CDH18: variants seen among roughly 807,000 people sequenced by gnomAD.
CDH18 encodes the protein cadherin-18.
A neutral mutation model predicts 67.9 loss-of-function variants in CDH18; 31 were observed. The observed-to-expected ratio is 0.46, with a 90% CI of 0.34 to 0.62. The LOEUF is 0.62. Ranked by LOEUF, CDH18 falls within the 20% of genes least tolerant of loss-of-function variation. The pLI is 0.01. For synonymous variants in CDH18, 362 were observed against 347.2 expected (o/e 1.04, Z -0.48); for missense variants, 890 against 975.5 (o/e 0.91, Z 1.17).
At chr5:20,541,062 T>C (rs16886341) in intron 1 of CDH18, among the ~76,000 whole-genome samples, 1,850 of 152,312 alleles carry the variant, frequency 0.012, 29 homozygotes, top group African/African-American at 0.042. Flanking sequence ...CACATTTCAA[T>C]CTATCGGATT....
intron 1 of CDH18, among the ~76,000 whole-genome samples, chr5:20,466,144 T>C (rs545930525): frequency 1.1e-4 from 17 of 152,200 alleles, no homozygotes; most frequent in Non-Finnish European, 2.1e-4. Flanking sequence ...GGGAGGCAGC[T>C]TTCCCATTTC....
In CDH18 at chr5:20,244,645, T is replaced by G. The variant is rs181189762; in HGVS notation, c.-518+10799A>C. On this transcript the variant is annotated intron_variant, in intron 2 of 14. Coordinates refer to the CDH18 transcript ENST00000507958. The stretch of plus-strand genomic sequence containing the variant: ...TTTTGGACTCATAAAAATAAAGTAA[T>G]AAAGTATGATTATGATAAATAGTTG... 1.3e-3 allele frequency among the ~76,000 whole-genome samples: 191 copies of G among 152,234 alleles called. 1 individual carries two copies. Among genetic ancestry groups the G allele is most frequent in the African/African-American group, 4.3e-3 (178 of 41,570 alleles).
chr5:19,950,059 CATATAT>C (rs1358759304), intron 2 of CDH18, among the ~76,000 whole-genome samples: 1 of 150,490 alleles, frequency 6.6e-6, no homozygotes, highest in Non-Finnish European at 1.5e-5. Context: ...GAGATATATA[CATATAT>C]ATGTATATAT....
chr5:19,914,221 T>C (rs77477825), intron 2 of CDH18, among the ~76,000 whole-genome samples: 4,428 of 152,138 alleles, frequency 0.029, 240 homozygotes, highest in African/African-American at 0.1. Context: ...AGGGTAAAAA[T>C]AGCATAACCT....
At chr5:19,706,875 C>T (rs536457497) in intron 5 of CDH18, among the ~76,000 whole-genome samples, 23 of 152,260 alleles carry the variant, frequency 1.5e-4, no homozygotes, top group African/African-American at 5.3e-4. Context: ...TCCACATATA[C>T]AACTGAATCT....
At chr5:20,489,485 T>A (rs1275250966) in intron 1 of CDH18, among the ~76,000 whole-genome samples, 3 of 152,216 alleles carry the variant, frequency 2.0e-5, no homozygotes, top group East Asian at 1.9e-4. Flanking sequence ...CTTCATACTT[T>A]TTTCTTTGTA....
chr5:19,789,831 A>C, intron 3 of CDH18, among the ~76,000 whole-genome samples: 1 of 152,150 alleles, frequency 6.6e-6, no homozygotes, highest in South Asian at 2.1e-4. Flanking sequence ...AAAAACAATA[A>C]GCAATAGTAG....
At chr5:19,792,745 A>G (rs1776491328) in intron 3 of CDH18, among the ~76,000 whole-genome samples, 1 of 152,154 alleles carries the variant, frequency 6.6e-6, no homozygotes, top group South Asian at 2.1e-4. Context: ...AACTGCAAAA[A>G]GCATGAAAAA....
At chr5:19,539,530 A>C (rs1421645361) in intron 9 of CDH18, among the ~76,000 whole-genome samples, 1 of 152,166 alleles carries the variant, frequency 6.6e-6, no homozygotes, top group Admixed American at 6.5e-5. Context: ...ATGGCTTCTG[A>C]TTGAAATGCT....
At chr5:20,154,274 T>A (rs1751355598) in intron 2 of CDH18, among the ~76,000 whole-genome samples, 1 of 152,208 alleles carries the variant, frequency 6.6e-6, no homozygotes, top group Non-Finnish European at 1.5e-5. Flanking sequence ...AGATGCAAAT[T>A]ATTCTACTTT....
chr5:19,962,377 G>GAAAAAAAAAAAAAA (rs1491148967), intron 2 of CDH18, among the ~76,000 whole-genome samples: 1 of 2,902 alleles, frequency 3.4e-4, no homozygotes, highest in Non-Finnish European at 1.2e-3. Flanking sequence ...ACGTCAAAAA[G>GAAAAAAAAAAAAAA]CAAAAAAAAA....
intron 2 of CDH18, among the ~76,000 whole-genome samples, chr5:20,139,983 A>G (rs1750096920): frequency 6.6e-6 from 1 of 152,194 alleles, no homozygotes; most frequent in Non-Finnish European, 1.5e-5. Context: ...TACCCAAAGG[A>G]GTATAAATCA....
At chr5:19,548,708 A>G (rs1006166091) in intron 8 of CDH18, among the ~76,000 whole-genome samples, 2 of 152,056 alleles carry the variant, frequency 1.3e-5, no homozygotes, top group Non-Finnish European at 2.9e-5. Flanking sequence ...AGACAGTGCA[A>G]CAGATTAAAA....
chr5:20,230,626 A>G (rs903733168), intron 2 of CDH18, among the ~76,000 whole-genome samples: 2 of 146,264 alleles, frequency 1.4e-5, no homozygotes, highest in African/African-American at 5.0e-5. Context: ...TTCATTTCAG[A>G]TAAGTATAGA....
intron 1 of CDH18, among the ~76,000 whole-genome samples, chr5:20,457,544 C>A (rs2150217164): frequency 1.3e-5 from 2 of 152,220 alleles, no homozygotes; most frequent in South Asian, 4.2e-4. Context: ...GGCTATACAA[C>A]TGTGCTTTGA....
At chr5:19,827,799 A>T (rs539580525) in intron 3 of CDH18, among the ~76,000 whole-genome samples, 1 of 152,150 alleles carries the variant, frequency 6.6e-6, no homozygotes, top group East Asian at 1.9e-4. Context: ...AAAGATATCA[A>T]ATCAAGACTC....
intron 6 of CDH18, among the ~76,000 whole-genome samples, chr5:19,600,964 C>T (rs538748649): frequency 4.0e-4 from 61 of 152,118 alleles, no homozygotes; most frequent in African/African-American, 1.3e-3. Context: ...AGTTGCTTTT[C>T]GATGTTTCCA....
At chr5:19,619,143 A>C (rs1750307633) in intron 5 of CDH18, among the ~76,000 whole-genome samples, 1 of 152,226 alleles carries the variant, frequency 6.6e-6, no homozygotes, top group African/African-American at 2.4e-5. Context: ...TCAGACATTT[A>C]ACGGATGCAT....
At chr5:20,061,767 T>A (rs1398550757) in intron 2 of CDH18, among the ~76,000 whole-genome samples, 1 of 152,224 alleles carries the variant, frequency 6.6e-6, no homozygotes, top group Non-Finnish European at 1.5e-5. Context: ...AACCATAGCA[T>A]TGCTTTAATA....
Sources: allele counts gnomAD v4.1 joint callset (sites outside exome capture counted in the v4.1 genomes callset), GRCh38; gene constraint gnomAD v4.1.1; transcripts MANE v1.5; gene names NCBI Gene and HGNC (gene_info 2026-07-23, HGNC 2026-07-21).